Variants in PNRC2 observed in about 807,000 individuals in gnomAD.
PNRC2 encodes the protein proline-rich nuclear receptor coactivator 2.
PNRC2 carries 2 observed loss-of-function variants against 12.2 expected under a neutral mutation model. The observed-to-expected ratio is 0.16, with a 90% CI of 0.07 to 0.52. PNRC2 has a LOEUF of 0.52. Among genes scored for constraint, PNRC2 ranks in the 20% least tolerant of loss-of-function variants. The probability of loss-of-function intolerance (pLI) is 0.95; values close to 1 mark genes in which losing one functional copy is unlikely to be tolerated. For synonymous variants in PNRC2, 44 were observed against 53.9 expected, an observed-to-expected ratio of 0.82 and a Z score of 0.80; for missense variants, 115 against 158.4, an observed-to-expected ratio of 0.73 and a Z score of 1.47.
In PNRC2 at chr1:23,961,992, A is replaced by G; in HGVS notation, c.*115A>G. ...CTAATTAATGTAAAAAAAATAGACC[A>G]TCTCGTGTTGTGTGCACTGTGATAT... On this transcript the variant is annotated 3_prime_UTR_variant, in exon 3 of 3. Transcript: ENST00000334351. 1 of 641,478 alleles carries G rather than the reference A, an allele frequency of 1.6e-6. No individual in the cohort carries two copies. The highest frequency in any genetic ancestry group is 2.0e-5 in the South Asian group (1 of 49,494). 39.7% of individuals were successfully genotyped at this position (641,478 alleles called of 1,614,324 possible).
chr1:23,961,733 C>T lies in PNRC2; in HGVS notation c.276C>T (p.Asn92=), dbSNP rs1371221194. ...TTTTTAAATCTCAAGCTAATCAGAACTATGCTGGTGCCAAATTTAGTGAGC... is the reference window on the plus strand; with the variant it reads ...TTTTTAAATCTCAAGCTAATCAGAATTATGCTGGTGCCAAATTTAGTGAGC... ...RLLFKSQANQ[N]YAGAKFSEPP... The change falls in exon 3 of 3, where the codon AAC becomes AAT. Residue 92 remains asparagine (N), a synonymous_variant. Coordinates refer to ENST00000334351, the MANE Select transcript of PNRC2 (RefSeq NM_017761.4). 2 of 1,614,008 alleles carry T rather than the reference C, an allele frequency of 1.2e-6. No homozygotes were observed. The highest frequency in any genetic ancestry group is 1.7e-6 in the Non-Finnish European group (2 of 1,179,866).
Position 23,961,868 on chromosome 1 carries a change from A to T in PNRC2, c.411A>T (p.Val137=). 6.5e-7 allele frequency: 1 copy of T among 1,540,440 alleles called. No individual in the cohort carries two copies. Among genetic ancestry groups the T allele is most frequent in the South Asian group, 1.1e-5 (1 of 87,542 alleles). Residue 137 remains valine (V), a synonymous_variant, in exon 3 of 3, where the codon GTA becomes GTT. Transcript: ENST00000334351. The part of the protein sequence containing the change: ...MTFQLKTLLK[V]QV ...TTCAACTTAAAACCTTACTTAAAGTACAGGTATAAAATAAGACAAATGTTT... is the reference window on the plus strand; with the variant it reads ...TTCAACTTAAAACCTTACTTAAAGTTCAGGTATAAAATAAGACAAATGTTT...
At chr1:23,960,360 G>A (rs539949542) in intron 1 of PNRC2, among the ~76,000 whole-genome samples, 1 of 152,360 alleles carries the variant, frequency 6.6e-6, no homozygotes, top group South Asian at 2.1e-4. Context: ...AACCTTGAAA[G>A]TTAAGCTGTT....
upstream of PNRC2, among the ~76,000 whole-genome samples, chr1:23,959,411 C>T (rs1570749935): frequency 1.3e-5 from 2 of 152,274 alleles, no homozygotes; most frequent in East Asian, 3.9e-4. Context: ...TCCGGAGTAT[C>T]TTCCATCTGT....
At chr1:23,959,513 C>G (rs1214443777), upstream of PNRC2, among the ~76,000 whole-genome samples, 1 of 151,996 alleles carries the variant, frequency 6.6e-6, no homozygotes, top group African/African-American at 2.4e-5. Context: ...CCAAGGGCGG[C>G]GAGCCCGCGC....
Position 23,960,183 on chromosome 1 carries a change from G to A in PNRC2, c.-225+185G>A, listed in dbSNP as rs1641249549. Among the ~76,000 whole-genome samples, 2 of 152,226 alleles carry A rather than the reference G, an allele frequency of 1.3e-5. 1 individual carries two copies. Among genetic ancestry groups the A allele is most frequent in the South Asian group, 4.1e-4 (2 of 4,830 alleles). The stretch of plus-strand genomic sequence containing the variant: ...GGCCACTGGGAAGCCAAGCCCTTGT[G>A]GCGTCGGAGGAGGCGTTTTCCGGGT... On this transcript the variant is annotated intron_variant, in intron 1 of 2. Coordinates refer to ENST00000334351, the MANE Select transcript of PNRC2 (RefSeq NM_017761.4).
intron 2 of PNRC2, 108 bp downstream of exon 2, chr1:23,961,242 G>GA: frequency 2.2e-6 from 1 of 456,668 alleles, no homozygotes; most frequent in East Asian, 3.2e-5. Context: ...TTTTCTTAGG[G>GA]AAGGTATAAC....
intron 2 of PNRC2, 58 bp from the exon 3 acceptor site, chr1:23,961,382 A>G: frequency 7.9e-7 from 1 of 1,269,558 alleles, no homozygotes; most frequent in Non-Finnish European, 1.1e-6. Context: ...AGCTTCTTAA[A>G]GATTTTGAAC....
At position 23,961,061 on chromosome 1, in the gene PNRC2, T is replaced by C; in HGVS notation, c.-92T>C. ...GAAGGGATCTGTCAGAAAGCAACAC[T>C]TGTTATCTTGGGCTTGGCAGCAAGG... is the stretch of plus-strand genomic sequence containing the variant. On this transcript the variant is annotated 5_prime_UTR_variant, in exon 2 of 3. Coordinates refer to ENST00000334351, the MANE Select transcript of PNRC2 (RefSeq NM_017761.4). The C allele has an allele frequency of 2.5e-6, 1 of 408,092 alleles. No individual in the cohort carries two copies. Among genetic ancestry groups the C allele is most frequent in the Non-Finnish European group, 4.3e-6 (1 of 230,914 alleles). 25.3% of individuals were successfully genotyped at this position (408,092 alleles called of 1,614,324 possible). A position where few individuals can be genotyped will look rare whatever the true frequency, so the allele number is the denominator to read the frequency against.
At chr1:23,960,448 G>C in intron 1 of PNRC2, among the ~76,000 whole-genome samples, 1 of 152,144 alleles carries the variant, frequency 6.6e-6, no homozygotes, top group East Asian at 1.9e-4. Flanking sequence ...TTAAGACGGG[G>C]AGGAGGCGAG....
rs964699529 is a variant in PNRC2 at position 23,963,258 on chromosome 1, T to C, written c.*1381T>C. ...AAAATTTTGATTGTTAATGCCCTAT[T>C]TTCTAATTTGGCACCTCTTGATGCC... On this transcript the variant is annotated 3_prime_UTR_variant, in exon 3 of 3. Transcript: ENST00000334351. 1.2e-5 allele frequency: 2 copies of C among 167,042 alleles called. No homozygotes were observed. The highest frequency in any genetic ancestry group is 4.8e-5 in the African/African-American group (2 of 41,464). The allele number at this position is 167,042 out of a possible 1,614,324, so 10.3% of individuals were successfully genotyped here. A position where few individuals can be genotyped will look rare whatever the true frequency, so the allele number is the denominator to read the frequency against.
rs1300621485 is a variant in PNRC2 at position 23,963,018 on chromosome 1, T to C, written c.*1141T>C. ...ACTAGAGTCCCTCCAACCTTATAGA[T>C]TGTTGGCTTTCACAATCTTATAACC... is the stretch of plus-strand genomic sequence containing the variant. On this transcript the variant is annotated 3_prime_UTR_variant, in exon 3 of 3. Coordinates refer to ENST00000334351, the MANE Select transcript of PNRC2 (RefSeq NM_017761.4). 8 of 167,054 alleles carry C rather than the reference T, an allele frequency of 4.8e-5. No homozygotes were observed. Among genetic ancestry groups the C allele is most frequent in the South Asian group, 4.1e-4 (2 of 4,830 alleles). The allele number at this position is 167,054 out of a possible 1,614,324, so 10.3% of individuals were successfully genotyped here.
chr1:23,961,977 TAAAA>T lies in PNRC2; in HGVS notation c.*105_*108del. On this transcript the variant is annotated 3_prime_UTR_variant, in exon 3 of 3. Coordinates refer to ENST00000334351, the MANE Select transcript of PNRC2 (RefSeq NM_017761.4). ...TCTATTTGTGTAGAACTAATTAATG[TAAAA>T]AAAATAGACCATCTCGTGTTGTGTG... 3 of 696,360 alleles carry T rather than the reference TAAAA, an allele frequency of 4.3e-6. No individual in the cohort carries two copies. Among genetic ancestry groups the T allele is most frequent in the South Asian group, 1.9e-5 (1 of 51,882 alleles). 43.1% of individuals were successfully genotyped at this position (696,360 alleles called of 1,614,324 possible).
At chr1:23,960,373 C>T (rs1412571673) in intron 1 of PNRC2, among the ~76,000 whole-genome samples, 8 of 152,206 alleles carry the variant, frequency 5.3e-5, no homozygotes, top group East Asian at 1.9e-4. Flanking sequence ...AAGCTGTTCC[C>T]TCTAGGGAGA....
At chr1:23,961,175 C>T in intron 2 of PNRC2, 41 bp downstream of exon 2, 1 of 439,230 alleles carries the variant, frequency 2.3e-6, no homozygotes, top group East Asian at 3.3e-5. Flanking sequence ...ATGGAACCAT[C>T]CTAAACCAAT....
Position 23,960,910 on chromosome 1 carries a change from G to C in PNRC2, c.-224-19G>C. 2.5e-6 allele frequency: 1 copy of C among 398,732 alleles called. No homozygotes were observed. Among genetic ancestry groups the C allele is most frequent in the Non-Finnish European group, 4.4e-6 (1 of 226,028 alleles). 24.7% of individuals were successfully genotyped at this position (398,732 alleles called of 1,614,324 possible). ...CTCAACGTGTTTTTGAAATAATGAA[G>C]TAATCTTTACTTTTCTAGCTAGGAC... is the stretch of plus-strand genomic sequence containing the variant. On this transcript the variant is annotated intron_variant, in intron 1 of 2. Coordinates refer to ENST00000334351, the MANE Select transcript of PNRC2 (RefSeq NM_017761.4).
In PNRC2 at chr1:23,960,928, G is replaced by A; in HGVS notation, c.-224-1G>A. The A allele has an allele frequency of 2.5e-6, 1 of 398,964 alleles. No individual in the cohort carries two copies. The highest frequency in any genetic ancestry group is 4.4e-6 in the Non-Finnish European group (1 of 226,084). The allele number at this position is 398,964 out of a possible 1,614,324, so 24.7% of individuals were successfully genotyped here. ...TAATGAAGTAATCTTTACTTTTCTA[G>A]CTAGGACTTCTCTCAAACTTGTGTG... On this transcript the variant is annotated splice_acceptor_variant, in intron 1 of 2. Transcript: ENST00000334351. LOFTEE classifies it low-confidence loss of function (5UTR_SPLICE).
intron 1 of PNRC2, among the ~76,000 whole-genome samples, chr1:23,960,432 CTTATT>C (rs1226376949): frequency 1.3e-5 from 2 of 152,070 alleles, no homozygotes; most frequent in Non-Finnish European, 2.9e-5. Context: ...CTTGTGAGAA[CTTATT>C]TTAAGACGGG....
In PNRC2 at chr1:23,961,750, T is replaced by G; in HGVS notation, c.293T>G (p.Phe98Cys). ...AATCAGAACTATGCTGGTGCCAAAT[T>G]TAGTGAGCCGCCATCACCAAGTGTT... Reference protein sequence around the residue: ...QANQNYAGAKFSEPPSPSVLP... With the variant: ...QANQNYAGAKCSEPPSPSVLP... The change falls in exon 3 of 3, where the codon TTT (phenylalanine) becomes TGT (cysteine). Residue 98 changes from phenylalanine to cysteine, a missense_variant. Coordinates refer to ENST00000334351, the MANE Select transcript of PNRC2 (RefSeq NM_017761.4). The G allele has an allele frequency of 1.2e-6, 2 of 1,613,978 alleles. No homozygotes were observed. Among genetic ancestry groups the G allele is most frequent in the Non-Finnish European group, 1.7e-6 (2 of 1,179,870 alleles).
Sources: gnomAD v4.1 joint callset for allele counts (sites outside exome capture counted in the v4.1 genomes callset) on GRCh38, gnomAD v4.1.1 for gene constraint, MANE v1.5 for transcripts, NCBI Gene and HGNC (gene_info 2026-07-23, HGNC 2026-07-21) for gene names.